The following OR9Q1 variants were observed in gnomAD, a reference collection of about 807,000 sequenced individuals.
OR9Q1 encodes the protein olfactory receptor family 9 subfamily Q member 1, also known as olfactory receptor 9Q1.
For missense variants in OR9Q1, 374 were observed against 378.8 expected, an observed-to-expected ratio of 0.99 and a Z score of 0.11; for synonymous variants, 153 against 148.6, an observed-to-expected ratio of 1.03 and a Z score of -0.22.
intron 2 of OR9Q1, among the ~76,000 whole-genome samples, chr11:58,089,894 T>A (rs1423651183): frequency 6.6e-6 from 1 of 151,930 alleles, no homozygotes; most frequent in Non-Finnish European, 1.5e-5. Flanking sequence ...TCCTAGGTAT[T>A]TGATTCTCTT....
At chr11:58,104,924 T>A (rs1204098856) in intron 2 of OR9Q1, among the ~76,000 whole-genome samples, 2 of 152,218 alleles carry the variant, frequency 1.3e-5, no homozygotes, top group Non-Finnish European at 2.9e-5. Flanking sequence ...TAACATATTT[T>A]TTTGGAGTCG....
At chr11:58,066,898 C>T (rs896299) in intron 2 of OR9Q1, among the ~76,000 whole-genome samples, 145,874 of 152,304 alleles carry the variant, frequency 0.96, 70,187 homozygotes, top group East Asian at 1. Context: ...GCAGGTTTCC[C>T]GAGTCTGTGG....
At chr11:58,137,044 C>T (rs887438296) in intron 2 of OR9Q1, among the ~76,000 whole-genome samples, 1 of 152,146 alleles carries the variant, frequency 6.6e-6, no homozygotes, top group Non-Finnish European at 1.5e-5. Context: ...AGTCCTCTGG[C>T]GGCACTGTTA....
chr11:58,087,820 G>T (rs551157183), intron 2 of OR9Q1, among the ~76,000 whole-genome samples: 1 of 151,842 alleles, frequency 6.6e-6, no homozygotes, highest in South Asian at 2.1e-4. Flanking sequence ...GTGTTGTTTG[G>T]TTTTCTGTTC....
At chr11:58,103,607 C>T (rs1267294137) in intron 2 of OR9Q1, among the ~76,000 whole-genome samples, 1 of 151,952 alleles carries the variant, frequency 6.6e-6, no homozygotes, top group Non-Finnish European at 1.5e-5. Context: ...TTGAGATCTG[C>T]TAAGGGAAAA....
chr11:58,114,695 T>A (rs976907600), intron 2 of OR9Q1, among the ~76,000 whole-genome samples: 3 of 152,112 alleles, frequency 2.0e-5, no homozygotes, highest in African/African-American at 7.2e-5. Context: ...TAGAAAGAAA[T>A]GAGATGATCC....
intron 2 of OR9Q1, among the ~76,000 whole-genome samples, chr11:58,132,777 A>G (rs1182079153): frequency 2.0e-5 from 3 of 152,210 alleles, no homozygotes; most frequent in Non-Finnish European, 4.4e-5. Flanking sequence ...TTGAGAAAGC[A>G]AACTTTGCAG....
Position 58,066,260 on chromosome 11 carries a change from T to C in OR9Q1, c.-15+10313T>C, listed in dbSNP as rs1416116432. Among the ~76,000 whole-genome samples, 17 of 152,146 alleles carry C rather than the reference T, an allele frequency of 1.1e-4. 1 individual carries two copies. Among genetic ancestry groups the C allele is most frequent in the African/African-American group, 4.1e-4 (17 of 41,434 alleles). On this transcript the variant is annotated intron_variant, in intron 2 of 2. Transcript: ENST00000335397. ...GCAGCCCGGATGAACATATCTCCTT[T>C]GGTGGAGAAGGTGTCTGCAGGTCTG...
At chr11:58,124,394 A>G (rs1441420870) in intron 2 of OR9Q1, 1 of 152,188 alleles carries the variant, frequency 6.6e-6, no homozygotes, top group Non-Finnish European at 1.5e-5. Flanking sequence ...CTAATTCAGG[A>G]GGAACCCTTT....
At chr11:58,156,862 G>A (rs1056084883) in intron 2 of OR9Q1, among the ~76,000 whole-genome samples, 2 of 152,216 alleles carry the variant, frequency 1.3e-5, no homozygotes, top group African/African-American at 4.8e-5. Context: ...ACATTTTGCC[G>A]TTTCAGTTGC....
At chr11:58,120,478 T>G (rs1249604832) in intron 2 of OR9Q1, among the ~76,000 whole-genome samples, 1 of 151,988 alleles carries the variant, frequency 6.6e-6, no homozygotes, top group African/African-American at 2.4e-5. Flanking sequence ...TTTCATAGGT[T>G]TTTGGGGAAC....
At chr11:58,125,609 T>C (rs1190184340) in intron 2 of OR9Q1, 3 of 152,112 alleles carry the variant, frequency 2.0e-5, no homozygotes, top group Non-Finnish European at 4.4e-5. Context: ...TTGGGGATAG[T>C]TTTATGGGAG....
chr11:58,071,348 C>T (rs1357106680), intron 2 of OR9Q1, among the ~76,000 whole-genome samples: 3 of 151,552 alleles, frequency 2.0e-5, no homozygotes, highest in Admixed American at 1.3e-4. Context: ...ATTAGCCAGG[C>T]GTGGTGGTGC....
At chr11:58,089,986 A>G (rs1000921388) in intron 2 of OR9Q1, among the ~76,000 whole-genome samples, 27 of 152,284 alleles carry the variant, frequency 1.8e-4, no homozygotes, top group African/African-American at 5.8e-4. Flanking sequence ...TGATTTTTGC[A>G]CATTGATTTT....
chr11:58,034,600 T>C (rs982808745), intron 1 of OR9Q1, among the ~76,000 whole-genome samples: 1 of 152,244 alleles, frequency 6.6e-6, no homozygotes, highest in Admixed American at 6.5e-5. Context: ...ATGGCAGTAG[T>C]TGTGGCAGAA....
At chr11:58,074,007 A>G (rs546669329) in intron 2 of OR9Q1, among the ~76,000 whole-genome samples, 1 of 152,316 alleles carries the variant, frequency 6.6e-6, no homozygotes, top group Non-Finnish European at 1.5e-5. Flanking sequence ...GCTGCATAGT[A>G]GTCCATGGTG....
intron 2 of OR9Q1, among the ~76,000 whole-genome samples, chr11:58,066,307 G>T (rs1391053499): frequency 1.3e-5 from 2 of 152,144 alleles, no homozygotes; most frequent in Non-Finnish European, 2.9e-5. Context: ...GTAGCTGGGG[G>T]TCCAGATAGT....
intron 2 of OR9Q1, among the ~76,000 whole-genome samples, chr11:58,068,709 G>A (rs145761143): frequency 1.3e-5 from 2 of 152,148 alleles, no homozygotes; most frequent in African/African-American, 4.8e-5. Context: ...TTCAAGTGCT[G>A]TGAATAATAA....
chr11:58,063,943 C>T (rs1853404341), intron 2 of OR9Q1, among the ~76,000 whole-genome samples: 2 of 152,102 alleles, frequency 1.3e-5, no homozygotes, highest in African/African-American at 4.8e-5. Flanking sequence ...GGGAAGGCTG[C>T]AAAGGAGGAA....
Sources: gnomAD v4.1 joint callset for allele counts (sites outside exome capture counted in the v4.1 genomes callset) on GRCh38, gnomAD v4.1.1 for gene constraint, MANE v1.5 for transcripts, NCBI Gene and HGNC (gene_info 2026-07-23, HGNC 2026-07-21) for gene names.